Variants in ADAMTS3 observed in about 807,000 individuals in gnomAD.
ADAMTS3 encodes A disintegrin and metalloproteinase with thrombospondin motifs 3.
A neutral mutation model predicts 129.0 loss-of-function variants in ADAMTS3; 73 were observed. The ratio of observed to expected loss-of-function variants is 0.57; its 90% CI spans 0.47 to 0.69. The LOEUF (loss-of-function observed/expected upper bound fraction) is 0.69, where lower values mean the gene tolerates loss of function less well. Among genes scored for constraint, ADAMTS3 ranks in the 30% least tolerant of loss-of-function variants. The pLI, the probability that ADAMTS3 is intolerant of heterozygous loss-of-function variation, is 0.00. For missense variants in ADAMTS3, 1,457 were observed against 1,514.5 expected, an observed-to-expected ratio of 0.96 and a Z score of 0.63; for synonymous variants, 477 against 510.8, an observed-to-expected ratio of 0.93 and a Z score of 0.89.
At chr4:72,468,183 A>G (rs1718971719) in intron 3 of ADAMTS3, among the ~76,000 whole-genome samples, 2 of 152,190 alleles carry the variant, frequency 1.3e-5, no homozygotes, top group South Asian at 4.1e-4. Context: ...AGATTCCTTC[A>G]TTTACAAACT....
At chr4:72,486,102 C>A (rs925300084) in intron 3 of ADAMTS3, among the ~76,000 whole-genome samples, 2 of 152,138 alleles carry the variant, frequency 1.3e-5, no homozygotes, top group Non-Finnish European at 2.9e-5. Context: ...TGCCTTCATG[C>A]AAGAACTGTA....
chr4:72,564,553 G>A (rs1377148478), intron 2 of ADAMTS3, among the ~76,000 whole-genome samples: 1 of 152,158 alleles, frequency 6.6e-6, no homozygotes, highest in African/African-American at 2.4e-5. Flanking sequence ...GGTGGTTAGA[G>A]AGGCAGTTCC....
intron 19 of ADAMTS3, among the ~76,000 whole-genome samples, chr4:72,295,367 C>T (rs554951154): frequency 6.6e-6 from 1 of 151,724 alleles, no homozygotes; most frequent in East Asian, 1.9e-4. Flanking sequence ...AACCCACCTC[C>T]CAAAAAAAGT....
chr4:72,498,731 G>C (rs1472980091), intron 3 of ADAMTS3, among the ~76,000 whole-genome samples: 1 of 151,748 alleles, frequency 6.6e-6, no homozygotes, highest in Non-Finnish European at 1.5e-5. Flanking sequence ...GGAGCATCTA[G>C]GATTCACTTC....
In ADAMTS3 at chr4:72,414,970, G is replaced by T. The variant is rs776515502; in HGVS notation, c.506C>A (p.Ala169Asp). Residue 169 changes from alanine to aspartate, a missense_variant and splice_region_variant, in exon 4 of 22, where the codon GCT becomes GAT. Transcript: ENST00000286657. ...TTCATTATCACTTTTTATCATTCCA[G>T]CCTAGAGAAAGCACAAAATGTGTTA... ...SVAISNCDGL[A>D]GMIKSDNEEY... 1.1e-5 allele frequency: 16 copies of T among 1,495,202 alleles called. No homozygotes were observed. The highest frequency in any genetic ancestry group is 4.3e-5 in the African/African-American group (3 of 68,970). 92.6% of individuals were successfully genotyped at this position (1,495,202 alleles called of 1,614,324 possible).
In ADAMTS3 at chr4:72,312,477, GAC is replaced by G. The variant is rs769877573; in HGVS notation, c.1746-13_1746-12del. The G allele has an allele frequency of 6.2e-7, 1 of 1,612,398 alleles. No homozygotes were observed. The highest frequency in any genetic ancestry group is 1.1e-5 in the South Asian group (1 of 90,988). ...CCACCATTGATGGGCCTAAAGAAAAGACAACATTTAAAAAGGCCTTTTGGCTT... is the reference window on the plus strand; with the variant it reads ...CCACCATTGATGGGCCTAAAGAAAAGAACATTTAAAAAGGCCTTTTGGCTT... On this transcript the variant is annotated splice_polypyrimidine_tract_variant and intron_variant, in intron 12 of 21. Coordinates refer to ENST00000286657, the MANE Select transcript of ADAMTS3 (RefSeq NM_014243.3).
At chr4:72,454,439 A>G (rs573851659) in intron 3 of ADAMTS3, among the ~76,000 whole-genome samples, 1 of 151,834 alleles carries the variant, frequency 6.6e-6, no homozygotes, top group African/African-American at 2.4e-5. Context: ...ACTGCTGAAA[A>G]GTGGTTTGTA....
Position 72,548,660 on chromosome 4 carries a change from C to A in ADAMTS3, c.322G>T (p.Val108Leu). Residue 108 changes from valine to leucine, a missense_variant, in exon 3 of 22, where the codon GTG (valine) becomes TTG (leucine). Val to Leu is a conservative substitution (Grantham distance 32). Coordinates refer to ENST00000286657, the MANE Select transcript of ADAMTS3 (RefSeq NM_014243.3). ...NTQLVAPGAVVEWHETSLVPG... is the reference protein window; with the variant it reads ...NTQLVAPGAVLEWHETSLVPG... ...ACCAGAGATGTCTCATGCCACTCCA[C>A]AACAGCCCCAGGAGCTACTAGTTGA... 1 of 1,614,052 alleles carries A rather than the reference C, an allele frequency of 6.2e-7. No homozygotes were observed. Among genetic ancestry groups the A allele is most frequent in the Non-Finnish European group, 8.5e-7 (1 of 1,179,952 alleles).
chr4:72,300,692 A>G (rs1718927115), intron 17 of ADAMTS3, among the ~76,000 whole-genome samples: 1 of 152,182 alleles, frequency 6.6e-6, no homozygotes, highest in African/African-American at 2.4e-5. Context: ...AAAAGGACTG[A>G]GAATTCCGTC....
intron 2 of ADAMTS3, among the ~76,000 whole-genome samples, chr4:72,549,274 AG>A (rs2109788932): frequency 6.6e-6 from 1 of 152,306 alleles, no homozygotes; most frequent in South Asian, 2.1e-4. Context: ...GTTATTATGT[AG>A]AAAAAAGAAT....
At chr4:72,539,321 CA>C (rs1721260444) in intron 3 of ADAMTS3, among the ~76,000 whole-genome samples, 2 of 151,492 alleles carry the variant, frequency 1.3e-5, no homozygotes, top group African/African-American at 2.4e-5. Context: ...AAACAACCAC[CA>C]GATTCAAAAA....
At chr4:72,293,714 C>T (rs575500432) in intron 19 of ADAMTS3, among the ~76,000 whole-genome samples, 6 of 152,112 alleles carry the variant, frequency 3.9e-5, no homozygotes, top group South Asian at 4.1e-4. Flanking sequence ...TTTTTATACA[C>T]GTATGAACAT....
At chr4:72,353,453 T>C (rs1013236864) in intron 4 of ADAMTS3, among the ~76,000 whole-genome samples, 2 of 152,002 alleles carry the variant, frequency 1.3e-5, no homozygotes, top group Non-Finnish European at 2.9e-5. Flanking sequence ...GTCTAGTTGC[T>C]AGCTGTGTGG....
intron 4 of ADAMTS3, among the ~76,000 whole-genome samples, chr4:72,356,559 G>A (rs1720587523): frequency 6.6e-6 from 1 of 151,420 alleles, no homozygotes; most frequent in African/African-American, 2.4e-5. Context: ...ACTCAACAAG[G>A]CTATAAAATA....
intron 4 of ADAMTS3, among the ~76,000 whole-genome samples, chr4:72,404,376 A>G (rs549562199): frequency 2.1e-4 from 32 of 152,024 alleles, no homozygotes; most frequent in Admixed American, 5.2e-4. Context: ...TATATGGTCA[A>G]ATGGTCCTCC....
In ADAMTS3 at chr4:72,282,420, CT is replaced by C. The variant is rs1415607715; in HGVS notation, c.*715del. 1 of 152,152 alleles carries C rather than the reference CT, an allele frequency of 6.6e-6. No individual in the cohort carries two copies. The highest frequency in any genetic ancestry group is 1.5e-5 in the Non-Finnish European group (1 of 68,008). The allele number at this position is 152,152 out of a possible 1,614,324, so 9.4% of individuals were successfully genotyped here. ...CTGTATATCTATAGCTTTTGTGTTTCTTTTCTTTTTCTATAATTTACGTATC... is the reference window on the plus strand; with the variant it reads ...CTGTATATCTATAGCTTTTGTGTTTCTTTCTTTTTCTATAATTTACGTATC... On this transcript the variant is annotated 3_prime_UTR_variant, in exon 22 of 22. Coordinates refer to ENST00000286657, the MANE Select transcript of ADAMTS3 (RefSeq NM_014243.3).
chr4:72,480,018 T>A (rs939085309), intron 3 of ADAMTS3, among the ~76,000 whole-genome samples: 18 of 152,206 alleles, frequency 1.2e-4, no homozygotes, highest in African/African-American at 4.3e-4. Context: ...CCAGTTAGAA[T>A]GGCAATCATT....
intron 19 of ADAMTS3, among the ~76,000 whole-genome samples, chr4:72,294,043 G>T (rs1005396365): frequency 2.0e-5 from 3 of 151,796 alleles, no homozygotes; most frequent in African/African-American, 4.8e-5. Flanking sequence ...GAACACGGGA[G>T]AATTTTTTTC....
At chr4:72,445,987 A>T (rs1444575293) in intron 3 of ADAMTS3, among the ~76,000 whole-genome samples, 1 of 151,748 alleles carries the variant, frequency 6.6e-6, no homozygotes. Flanking sequence ...AAGTAACAGA[A>T]GAGCAAACTA....
Sources: gnomAD v4.1 joint callset for allele counts (sites outside exome capture counted in the v4.1 genomes callset) on GRCh38, gnomAD v4.1.1 for gene constraint, MANE v1.5 for transcripts, NCBI Gene and HGNC (gene_info 2026-07-23, HGNC 2026-07-21) for gene names.